CRTC3: variants seen among roughly 807,000 people sequenced by gnomAD.
CRTC3 encodes CREB-regulated transcription coactivator 3.
CRTC3 carries 26 observed loss-of-function variants against 74.5 expected under a neutral mutation model. That is an observed-to-expected ratio of 0.35 (90% confidence interval 0.26 to 0.48). The LOEUF (loss-of-function observed/expected upper bound fraction) is 0.48, where lower values mean the gene tolerates loss of function less well. CRTC3 is among the 20% of genes least tolerant of loss of function. The pLI is 0.99. For missense variants in CRTC3, 760 were observed against 787.3 expected (o/e 0.97, Z 0.41); for synonymous variants, 377 against 325.8 (o/e 1.16, Z -1.69).
At chr15:90,566,970 T>G (rs1967137781) in intron 2 of CRTC3, among the ~76,000 whole-genome samples, 1 of 152,054 alleles carries the variant, frequency 6.6e-6, no homozygotes, top group Non-Finnish European at 1.5e-5. Flanking sequence ...CTTGGCCTCC[T>G]GAAGTGCTGG....
At position 90,540,066 on chromosome 15, in the gene CRTC3, C is replaced by T. The variant is rs931451546; in HGVS notation, c.160C>T (p.Arg54Cys). The T allele has an allele frequency of 5.6e-6, 9 of 1,613,184 alleles. No homozygotes were observed. The highest frequency in any genetic ancestry group is 2.2e-5 in the East Asian group (1 of 44,868). The change falls in exon 2 of 15, where the codon CGC (arginine) becomes TGC (cysteine). Residue 54 changes from arginine to cysteine, a missense_variant. By Grantham distance (180) the Arg-to-Cys change is radical. Coordinates refer to ENST00000268184, the MANE Select transcript of CRTC3 (RefSeq NM_022769.5). ...TCAATTTCAGAAGCTTCAGCAACTG[C>T]GCCTTACACAGTACCATGGAGGATC... ...RVQFQKLQQL[R>C]LTQYHGGSLP...
At chr15:90,587,333 T>G (rs1223309195) in intron 2 of CRTC3, among the ~76,000 whole-genome samples, 3 of 152,186 alleles carry the variant, frequency 2.0e-5, no homozygotes, top group Admixed American at 2.0e-4. Context: ...AATCCACAAC[T>G]CTGCTTCTTT....
chr15:90,573,051 A>G (rs1235829776), intron 2 of CRTC3, among the ~76,000 whole-genome samples: 1 of 151,940 alleles, frequency 6.6e-6, no homozygotes, highest in Non-Finnish European at 1.5e-5. Context: ...CCTATTAACA[A>G]CTCCCCATGC....
chr15:90,564,279 G>A (rs1967075230), intron 2 of CRTC3, among the ~76,000 whole-genome samples: 2 of 152,180 alleles, frequency 1.3e-5, no homozygotes, highest in Admixed American at 6.5e-5. Context: ...GTTGAAACCT[G>A]TTGAGGAAAT....
At position 90,574,107 on chromosome 15, in the gene CRTC3, T is replaced by C. The variant is rs1315174057; in HGVS notation, c.232-19529T>C. ...TAAAAATTAGTACACAGTATTCTTT[T>C]ATATGACTTTGTCATAATTTATTCA... On this transcript the variant is annotated intron_variant, in intron 2 of 14. Transcript: ENST00000268184. 2.6e-5 allele frequency among the ~76,000 whole-genome samples: 4 copies of C among 152,236 alleles called. No homozygotes were observed. The East Asian group carries it at 7.7e-4, about 29-fold the overall frequency.
In CRTC3 at chr15:90,629,142, C is replaced by T. The variant is rs867235425; in HGVS notation, c.968-92C>T. ...GCTCCTTTACCTACAGAATCATCAT[C>T]GCATGTGACAGTAGACAGTTTTCTT... On this transcript the variant is annotated intron_variant, in intron 10 of 14. Coordinates refer to ENST00000268184, the MANE Select transcript of CRTC3 (RefSeq NM_022769.5). The T allele has an allele frequency of 2.4e-5, 29 of 1,208,488 alleles. 1 individual carries two copies. The highest frequency in any genetic ancestry group is 1.9e-4 in the Middle Eastern group (1 of 5,144). The allele number at this position is 1,208,488 out of a possible 1,614,324, so 74.9% of individuals were successfully genotyped here.
chr15:90,635,702 C>T (rs1312246194), intron 11 of CRTC3, among the ~76,000 whole-genome samples: 2 of 152,008 alleles, frequency 1.3e-5, no homozygotes, highest in Non-Finnish European at 2.9e-5. Context: ...TGTCAGGTTC[C>T]CTAAAGGACA....
intron 2 of CRTC3, among the ~76,000 whole-genome samples, chr15:90,558,544 C>T (rs1340856329): frequency 6.6e-6 from 1 of 152,084 alleles, no homozygotes; most frequent in Non-Finnish European, 1.5e-5. Context: ...GTTCCTTGAA[C>T]CTTGCTTAGG....
chr15:90,603,432 G>A (rs1968137878), intron 4 of CRTC3, among the ~76,000 whole-genome samples: 1 of 151,850 alleles, frequency 6.6e-6, no homozygotes, highest in African/African-American at 2.4e-5. Flanking sequence ...GACAGAGCGA[G>A]ACTCCATCTC....
intron 2 of CRTC3, among the ~76,000 whole-genome samples, chr15:90,569,472 AC>A (rs1382239414): frequency 1.3e-5 from 1 of 77,726 alleles, no homozygotes; most frequent in African/African-American, 3.8e-5. Flanking sequence ...GGCATGCGCC[AC>A]CACACCTGGC....
At chr15:90,597,253 C>T (rs1222317792) in intron 3 of CRTC3, among the ~76,000 whole-genome samples, 1 of 152,268 alleles carries the variant, frequency 6.6e-6, no homozygotes, top group Non-Finnish European at 1.5e-5. Flanking sequence ...TCTCACTCAT[C>T]AAGGTTGGCA....
At chr15:90,567,613 G>A (rs960976746) in intron 2 of CRTC3, among the ~76,000 whole-genome samples, 29 of 151,998 alleles carry the variant, frequency 1.9e-4, no homozygotes, top group African/African-American at 7.0e-4. Flanking sequence ...GCTTGAACCC[G>A]GGAGGCAGAG....
intron 3 of CRTC3, among the ~76,000 whole-genome samples, chr15:90,601,497 T>C (rs990037310): frequency 3.4e-5 from 5 of 148,772 alleles, no homozygotes; most frequent in Non-Finnish European, 6.0e-5. Flanking sequence ...TTAAAAAAAA[T>C]ACAAAATTAG....
At chr15:90,598,322 G>C (rs1596111892) in intron 3 of CRTC3, 1 of 660,634 alleles carries the variant, frequency 1.5e-6, no homozygotes, top group East Asian at 2.7e-5. Flanking sequence ...CTTGTTTTCA[G>C]CTTCTGTGGC....
intron 3 of CRTC3, chr15:90,597,716 C>T (rs973718829): frequency 2.6e-5 from 4 of 152,210 alleles, no homozygotes; most frequent in Non-Finnish European, 4.4e-5. Flanking sequence ...TGTTACCTAA[C>T]ACCCGTCTTA....
In CRTC3 at chr15:90,576,630, G is replaced by A. The variant is rs79168935; in HGVS notation, c.232-17006G>A. Reference sequence around the variant, plus strand: ...ATGGTCAGGAAGTTCAGGAGTGTGCGAAGAAGACTGGAAAGAAACACTCAG... The same window carrying A: ...ATGGTCAGGAAGTTCAGGAGTGTGCAAAGAAGACTGGAAAGAAACACTCAG... On this transcript the variant is annotated intron_variant, in intron 2 of 14. Transcript: ENST00000268184. 7.8e-3 allele frequency among the ~76,000 whole-genome samples: 1,192 copies of A among 152,196 alleles called. 46 individuals are homozygous for A. The East Asian group carries it at 0.12, about 15-fold the overall frequency.
intron 2 of CRTC3, among the ~76,000 whole-genome samples, chr15:90,545,629 T>A (rs183735439): frequency 6.6e-6 from 1 of 151,864 alleles, no homozygotes; most frequent in Admixed American, 6.6e-5. Flanking sequence ...CAGGCTGGAG[T>A]GCAGTGGCAC....
At chr15:90,579,310 G>A (rs1231679433) in intron 2 of CRTC3, among the ~76,000 whole-genome samples, 10 of 152,124 alleles carry the variant, frequency 6.6e-5, no homozygotes, top group African/African-American at 9.7e-5. Flanking sequence ...ATCCCCCTGC[G>A]TACTGAGGGA....
intron 2 of CRTC3, among the ~76,000 whole-genome samples, chr15:90,563,347 A>G (rs1390449952): frequency 6.6e-6 from 1 of 152,188 alleles, no homozygotes; most frequent in Non-Finnish European, 1.5e-5. Flanking sequence ...CGGAAGTTGC[A>G]GTGAGTAGAG....
Sources: gnomAD v4.1 joint callset for allele counts (sites outside exome capture counted in the v4.1 genomes callset) on GRCh38, gnomAD v4.1.1 for gene constraint, MANE v1.5 for transcripts, NCBI Gene and HGNC (gene_info 2026-07-23, HGNC 2026-07-21) for gene names.